Variants in PLEKHA5 observed in about 807,000 individuals in gnomAD.
PLEKHA5 encodes pleckstrin homology domain-containing family A member 5.
PLEKHA5 carries 55 observed loss-of-function variants against 181.9 expected under a neutral mutation model. The observed-to-expected ratio is 0.30, with a 90% CI of 0.24 to 0.38. PLEKHA5 has a LOEUF of 0.38. Among genes scored for constraint, PLEKHA5 ranks in the 10% least tolerant of loss-of-function variants. PLEKHA5 has a pLI of 1.00. For synonymous variants in PLEKHA5, 535 were observed against 529.4 expected (o/e 1.01, Z -0.15); for missense variants, 1,432 against 1,549.5 (o/e 0.92, Z 1.27).
At chr12:19,276,577 G>T (rs531278966) in intron 11 of PLEKHA5, among the ~76,000 whole-genome samples, 1 of 152,286 alleles carries the variant, frequency 6.6e-6, no homozygotes, top group African/African-American at 2.4e-5. Flanking sequence ...TGTAATCTCA[G>T]CTACTGGGGA....
chr12:19,309,401 C>T (rs2085514348), intron 15 of PLEKHA5, among the ~76,000 whole-genome samples: 1 of 151,556 alleles, frequency 6.6e-6, no homozygotes, highest in Non-Finnish European at 1.5e-5. Flanking sequence ...TTTGAATTTT[C>T]CACTCTTTCA....
intron 7 of PLEKHA5, among the ~76,000 whole-genome samples, chr12:19,264,399 A>T (rs1183056906): frequency 3.3e-5 from 5 of 152,176 alleles, no homozygotes; most frequent in African/African-American, 1.2e-4. Context: ...TTATTTGATT[A>T]AAATGATTTT....
intron 11 of PLEKHA5, among the ~76,000 whole-genome samples, chr12:19,280,080 C>T (rs1255178049): frequency 1.5e-5 from 2 of 134,376 alleles, no homozygotes; most frequent in Non-Finnish European, 3.1e-5. Context: ...ACAGGGCCAT[C>T]CCTCTGTTGG....
At chr12:19,332,965 A>T (rs951096521) in intron 20 of PLEKHA5, among the ~76,000 whole-genome samples, 7 of 152,136 alleles carry the variant, frequency 4.6e-5, no homozygotes, top group Non-Finnish European at 7.3e-5. Context: ...CTTGAACTTT[A>T]TGTGAAGTGT....
chr12:19,279,840 CCTGTTTTA>C (rs1422801102), intron 11 of PLEKHA5, among the ~76,000 whole-genome samples: 1 of 151,730 alleles, frequency 6.6e-6, no homozygotes, highest in Non-Finnish European at 1.5e-5. Flanking sequence ...AACCACTTTT[CCTGTTTTA>C]CTGTTTTCCC....
At chr12:19,244,123 A>G (rs1327717155) in intron 3 of PLEKHA5, among the ~76,000 whole-genome samples, 1 of 152,200 alleles carries the variant, frequency 6.6e-6, no homozygotes, top group Non-Finnish European at 1.5e-5. Flanking sequence ...TAATAACTAA[A>G]TGGCTGCTAC....
intron 15 of PLEKHA5, among the ~76,000 whole-genome samples, chr12:19,302,559 C>A (rs2152922648): frequency 6.6e-6 from 1 of 152,192 alleles, no homozygotes. Flanking sequence ...CCACACCCAG[C>A]TAATTTTGGT....
At chr12:19,239,923 G>A (rs1281332640) in intron 3 of PLEKHA5, among the ~76,000 whole-genome samples, 1 of 152,078 alleles carries the variant, frequency 6.6e-6, no homozygotes, top group East Asian at 1.9e-4. Context: ...TTGTATTTGT[G>A]ATATTATTAA....
At chr12:19,240,711 G>T (rs1430083127) in intron 3 of PLEKHA5, among the ~76,000 whole-genome samples, 3 of 151,622 alleles carry the variant, frequency 2.0e-5, no homozygotes, top group Admixed American at 6.6e-5. Flanking sequence ...GCCTAAAGCA[G>T]TCCTCTCACT....
chr12:19,182,863 A>G (rs2048926854), intron 3 of PLEKHA5, among the ~76,000 whole-genome samples: 2 of 152,254 alleles, frequency 1.3e-5, no homozygotes, highest in Admixed American at 6.5e-5. Flanking sequence ...GTACTAAAAC[A>G]ACACAGACTG....
At chr12:19,355,933 G>A (rs1414090468) in intron 26 of PLEKHA5, among the ~76,000 whole-genome samples, 1 of 152,032 alleles carries the variant, frequency 6.6e-6, no homozygotes, top group Admixed American at 6.6e-5. Flanking sequence ...GGCCAAGGCT[G>A]GCAGGCAGAT....
At chr12:19,367,384 T>C (rs1183026171) in intron 30 of PLEKHA5, among the ~76,000 whole-genome samples, 2 of 148,358 alleles carry the variant, frequency 1.3e-5, no homozygotes, top group Non-Finnish European at 3.0e-5. Context: ...GCCTCCCAAG[T>C]AGCTGGGATT....
Position 19,287,458 on chromosome 12 carries a change from C to G in PLEKHA5, c.1780-15C>G. 7 of 1,555,938 alleles carry G rather than the reference C, an allele frequency of 4.5e-6. No homozygotes were observed. Among genetic ancestry groups the G allele is most frequent in the Non-Finnish European group, 6.2e-6 (7 of 1,133,286 alleles). On this transcript the variant is annotated splice_polypyrimidine_tract_variant and intron_variant, in intron 12 of 31. Transcript: ENST00000429027. ...AACTTTACCACAGAATTACATTGTG[C>G]CTTTACTTTCCTAGCATGTCTATGT...
chr12:19,272,628 T>G (rs1017194581), intron 10 of PLEKHA5, among the ~76,000 whole-genome samples: 1 of 151,924 alleles, frequency 6.6e-6, no homozygotes, highest in Non-Finnish European at 1.5e-5. Context: ...TCCCGGCTGC[T>G]CGGGAGGCTG....
chr12:19,215,491 C>T (rs2057791109), intron 3 of PLEKHA5, among the ~76,000 whole-genome samples: 1 of 152,086 alleles, frequency 6.6e-6, no homozygotes, highest in Admixed American at 6.5e-5. Flanking sequence ...AGGGGCGTTG[C>T]ATATAGTAGT....
chr12:19,302,820 T>G (rs1168303212), intron 15 of PLEKHA5, among the ~76,000 whole-genome samples: 1 of 151,700 alleles, frequency 6.6e-6, no homozygotes, highest in Non-Finnish European at 1.5e-5. Context: ...CTAGCCCCAT[T>G]TCAAGTAGTC....
At chr12:19,361,547 T>G in intron 28 of PLEKHA5, 35 bp from the exon 29 acceptor site, 1 of 1,086,144 alleles carries the variant, frequency 9.2e-7, no homozygotes, top group East Asian at 2.4e-5. Context: ...TGATAAGAAT[T>G]CTTTGAAAAG....
Position 19,298,190 on chromosome 12 carries a change from C to T in PLEKHA5, c.2037+6493C>T, listed in dbSNP as rs113556249. ...CTCCAGCCTAGGCAACAGAGGGAGA[C>T]ACCATCTCCAAAAAAAGAAGAGGAG... On this transcript the variant is annotated intron_variant, in intron 15 of 31. Transcript: ENST00000429027. 2.6e-3 allele frequency among the ~76,000 whole-genome samples: 401 copies of T among 151,924 alleles called. 2 individuals are homozygous for T. Among genetic ancestry groups the T allele is most frequent in the African/African-American group, 9.3e-3 (385 of 41,380 alleles).
At chr12:19,169,151 A>G (rs1047228467) in intron 3 of PLEKHA5, among the ~76,000 whole-genome samples, 1 of 152,182 alleles carries the variant, frequency 6.6e-6, no homozygotes, top group Non-Finnish European at 1.5e-5. Flanking sequence ...TAGCAGCTTT[A>G]CTAATATTGT....
Sources: gnomAD v4.1 joint callset for allele counts (sites outside exome capture counted in the v4.1 genomes callset) on GRCh38, gnomAD v4.1.1 for gene constraint, MANE v1.5 for transcripts, NCBI Gene and HGNC (gene_info 2026-07-23, HGNC 2026-07-21) for gene names.